The following OXR1 variants were observed in gnomAD, a reference collection of about 807,000 sequenced individuals.
The protein encoded by OXR1 is oxidation resistance 1.
In OXR1, 41 loss-of-function variants were observed where a neutral mutation model predicts 104.6. That is an observed-to-expected ratio of 0.39 (90% CI 0.31 to 0.51). OXR1 has a LOEUF of 0.51. Ranked by LOEUF, OXR1 falls within the 20% of genes least tolerant of loss-of-function variation. OXR1 has a pLI of 0.77. For synonymous variants in OXR1, 348 were observed against 348.4 expected, an observed-to-expected ratio of 1.00 and a Z score of 0.01; for missense variants, 955 against 1,031.9, an observed-to-expected ratio of 0.93 and a Z score of 1.02.
intron 11 of OXR1, 42 bp downstream of exon 11, chr8:106,714,027 TG>T: frequency 2.1e-6 from 3 of 1,449,066 alleles, no homozygotes; most frequent in Non-Finnish European, 2.8e-6. Context: ...CTTTTTAGTT[TG>T]TATGAATTTA....
chr8:106,418,440 A>G (rs1428590403), intron 2 of OXR1, among the ~76,000 whole-genome samples: 4 of 152,072 alleles, frequency 2.6e-5, no homozygotes, highest in Admixed American at 6.6e-5. Flanking sequence ...TCACTCAGAG[A>G]TAACCACTGT....
At chr8:106,289,896 A>G (rs928852604) in intron 1 of OXR1, among the ~76,000 whole-genome samples, 3 of 152,020 alleles carry the variant, frequency 2.0e-5, no homozygotes, top group Admixed American at 6.6e-5. Context: ...ACCAGATCTG[A>G]TGGTTTTATA....
chr8:106,320,741 G>A (rs578203555), intron 1 of OXR1, among the ~76,000 whole-genome samples: 6 of 151,998 alleles, frequency 3.9e-5, no homozygotes, highest in South Asian at 2.1e-4. Context: ...ACACAATCTC[G>A]GCTCACTGCA....
intron 4 of OXR1, among the ~76,000 whole-genome samples, chr8:106,680,648 C>T (rs574649983): frequency 4.6e-5 from 7 of 152,222 alleles, no homozygotes; most frequent in Non-Finnish European, 8.8e-5. Flanking sequence ...TGAGTGGTCC[C>T]TTGTTTCTTT....
chr8:106,539,201 AT>A (rs1814770129), intron 3 of OXR1, among the ~76,000 whole-genome samples: 1 of 152,246 alleles, frequency 6.6e-6, no homozygotes, highest in Non-Finnish European at 1.5e-5. Context: ...TGAATAAGCC[AT>A]TTAAACTTCC....
intron 3 of OXR1, among the ~76,000 whole-genome samples, chr8:106,588,020 C>T (rs1302774389): frequency 2.0e-5 from 3 of 151,136 alleles, no homozygotes; most frequent in Non-Finnish European, 4.4e-5. Context: ...GGCACAATCT[C>T]GGCTCACTGC....
intron 16 of OXR1, among the ~76,000 whole-genome samples, chr8:106,748,704 A>C (rs912508601): frequency 4.6e-5 from 7 of 151,288 alleles, no homozygotes; most frequent in Non-Finnish European, 8.8e-5. Flanking sequence ...AAGCAGCTGG[A>C]ATTACAGGCG....
intron 2 of OXR1, among the ~76,000 whole-genome samples, chr8:106,499,168 C>CAAAA (rs71307063): frequency 5.2e-4 from 4 of 7,682 alleles, no homozygotes; most frequent in Non-Finnish European, 9.0e-4. Flanking sequence ...GACTCCGTCT[C>CAAAA]AAAAAAAAAA....
intron 3 of OXR1, among the ~76,000 whole-genome samples, chr8:106,573,993 C>T (rs144188758): frequency 5.5e-4 from 83 of 152,062 alleles, no homozygotes; most frequent in African/African-American, 1.8e-3. Flanking sequence ...TAGCATGGCA[C>T]TCTGCACTCG....
intron 6 of OXR1, among the ~76,000 whole-genome samples, chr8:106,690,807 A>G (rs1829201192): frequency 2.0e-5 from 3 of 152,014 alleles, no homozygotes; most frequent in Admixed American, 6.6e-5. Context: ...TTCAAAAGTA[A>G]ATGTTTTCTT....
At chr8:106,709,602 G>A (rs1272529269) in intron 9 of OXR1, among the ~76,000 whole-genome samples, 1 of 143,138 alleles carries the variant, frequency 7.0e-6, no homozygotes, top group Non-Finnish European at 1.5e-5. Context: ...GGGGTTGGGG[G>A]TTTAATGGGG....
intron 1 of OXR1, among the ~76,000 whole-genome samples, chr8:106,271,107 T>G (rs1811785334): frequency 6.6e-6 from 1 of 151,792 alleles, no homozygotes. Flanking sequence ...GGGGGAGCTG[T>G]GCAGTATCGG....
intron 3 of OXR1, among the ~76,000 whole-genome samples, chr8:106,653,823 T>C (rs946833107): frequency 5.9e-5 from 9 of 151,972 alleles, no homozygotes; most frequent in Non-Finnish European, 1.0e-4. Context: ...AACATGTACT[T>C]ATATAGAGAA....
intron 1 of OXR1, among the ~76,000 whole-genome samples, chr8:106,342,759 G>C (rs1815309519): frequency 6.6e-6 from 1 of 152,108 alleles, no homozygotes; most frequent in Non-Finnish European, 1.5e-5. Flanking sequence ...CCTCACTATA[G>C]TGGGGTTATT....
intron 3 of OXR1, among the ~76,000 whole-genome samples, chr8:106,554,602 C>G (rs1816121206): frequency 6.6e-6 from 1 of 152,166 alleles, no homozygotes; most frequent in South Asian, 2.1e-4. Context: ...TATGGTGACT[C>G]TTAATGCCAT....
intron 3 of OXR1, among the ~76,000 whole-genome samples, chr8:106,676,181 C>T (rs919062324): frequency 2.6e-5 from 4 of 151,928 alleles, no homozygotes; most frequent in African/African-American, 9.7e-5. Flanking sequence ...TTCTGCGTAC[C>T]TTTATTTTGA....
intron 3 of OXR1, among the ~76,000 whole-genome samples, chr8:106,601,614 G>A (rs1172209567): frequency 6.6e-6 from 1 of 152,142 alleles, no homozygotes; most frequent in Non-Finnish European, 1.5e-5. Flanking sequence ...ATTTGGGTTT[G>A]GGTTTCCATA....
At chr8:106,337,004 A>G (rs1357893649) in intron 1 of OXR1, among the ~76,000 whole-genome samples, 2 of 152,258 alleles carry the variant, frequency 1.3e-5, no homozygotes, top group Non-Finnish European at 2.9e-5. Context: ...GCAAATATAA[A>G]TGTAACATCA....
At chr8:106,287,661 A>G (rs1812556081) in intron 1 of OXR1, among the ~76,000 whole-genome samples, 1 of 152,056 alleles carries the variant, frequency 6.6e-6, no homozygotes, top group Non-Finnish European at 1.5e-5. Flanking sequence ...CATTTCAAAA[A>G]AAAAAAAATC....
Sources: allele counts gnomAD v4.1 joint callset (sites outside exome capture counted in the v4.1 genomes callset), GRCh38; gene constraint gnomAD v4.1.1; transcripts MANE v1.5; gene names NCBI Gene and HGNC (gene_info 2026-07-23, HGNC 2026-07-21).